LTBR: variants seen among roughly 807,000 people sequenced by gnomAD.
The protein encoded by LTBR is lymphotoxin beta receptor, also known as tumor necrosis factor receptor superfamily member 3.
A neutral mutation model predicts 45.4 loss-of-function variants in LTBR; 15 were observed. The ratio of observed to expected loss-of-function variants is 0.33; its 90% CI spans 0.22 to 0.51. The LOEUF (loss-of-function observed/expected upper bound fraction) is 0.51, where lower values mean the gene tolerates loss of function less well. Ranked by LOEUF, LTBR falls within the 20% of genes least tolerant of loss-of-function variation. The probability of loss-of-function intolerance (pLI) is 0.97; values close to 1 mark genes in which losing one functional copy is unlikely to be tolerated. For synonymous variants in LTBR, 228 were observed against 231.0 expected (o/e 0.99, Z 0.12); for missense variants, 450 against 565.5 (o/e 0.80, Z 2.07).
At position 6,391,070 on chromosome 12, in the gene LTBR, A is replaced by T. The variant is rs1241698039; in HGVS notation, c.*133A>T. 3.1e-6 allele frequency: 3 copies of T among 960,344 alleles called. No homozygotes were observed. Among genetic ancestry groups the T allele is most frequent in the Non-Finnish European group, 4.4e-6 (3 of 683,220 alleles). 59.5% of individuals were successfully genotyped at this position (960,344 alleles called of 1,614,324 possible). A position where few individuals can be genotyped will look rare whatever the true frequency, so the allele number is the denominator to read the frequency against. ...AGAGCCCTAAGGGATTAAGGCTCAG[A>T]CACCTCTGAGAGCAGGTGGGCACTG... On this transcript the variant is annotated 3_prime_UTR_variant, in exon 10 of 10. Coordinates refer to ENST00000228918, the MANE Select transcript of LTBR (RefSeq NM_002342.3).
chr12:6,390,594 A>AGTTCTT, intron 9 of LTBR, 66 bp from the exon 10 acceptor site: 3 of 1,464,498 alleles, frequency 2.0e-6, no homozygotes, highest in Non-Finnish European at 2.7e-6. Context: ...GAAGGCAAGA[A>AGTTCTT]TTCAAGAAGC....
upstream of LTBR, among the ~76,000 whole-genome samples, chr12:6,383,874 C>A (rs1949007602): frequency 6.6e-6 from 1 of 152,222 alleles, no homozygotes. Context: ...CCCTTGCGCT[C>A]TCTGGAACTC....
intron 1 of LTBR, among the ~76,000 whole-genome samples, chr12:6,377,967 G>A (rs1948936817): frequency 6.6e-6 from 1 of 152,218 alleles, no homozygotes; most frequent in African/African-American, 2.4e-5. Context: ...CAGGCTTGGT[G>A]TTGTGAGGAA....
upstream of LTBR, among the ~76,000 whole-genome samples, chr12:6,383,657 G>T (rs371067647): frequency 1.3e-5 from 2 of 152,140 alleles, no homozygotes; most frequent in Non-Finnish European, 2.9e-5. Flanking sequence ...TTGGTAGCGT[G>T]GGGGGCTGGC....
At chr12:6,390,420 A>G (rs2136936135) in intron 9 of LTBR, 80 bp downstream of exon 9, 1 of 1,286,744 alleles carries the variant, frequency 7.8e-7, no homozygotes, top group Non-Finnish European at 1.1e-6. Context: ...GCCAGATGAA[A>G]TAAAAAGACC....
At chr12:6,381,580 A>G (rs1351889880), upstream of LTBR, among the ~76,000 whole-genome samples, 1 of 152,212 alleles carries the variant, frequency 6.6e-6, no homozygotes, top group African/African-American at 2.4e-5. Flanking sequence ...AGAAACATAC[A>G]GTCCAGCCAG....
chr12:6,381,579 C>A (rs182813353), upstream of LTBR, among the ~76,000 whole-genome samples: 1 of 152,230 alleles, frequency 6.6e-6, no homozygotes, highest in South Asian at 2.1e-4. Flanking sequence ...AAGAAACATA[C>A]AGTCCAGCCA....
chr12:6,384,932 C>A, intron 2 of LTBR, 90 bp from the exon 3 acceptor site: 1 of 1,542,420 alleles, frequency 6.5e-7, no homozygotes, highest in Non-Finnish European at 8.9e-7. Flanking sequence ...GCCAGAGAGA[C>A]CGAGGGAAAG....
At chr12:6,385,992 G>C in intron 4 of LTBR, 74 bp from the exon 5 acceptor site, 2 of 1,023,276 alleles carry the variant, frequency 2.0e-6, no homozygotes, top group Non-Finnish European at 3.1e-6. Flanking sequence ...GAGGCTTAAA[G>C]GAAACTCACA....
At chr12:6,375,518 C>G (rs893905102) in exon 1 of LTBR, 1 of 1,535,380 alleles carries the variant, frequency 6.5e-7, no homozygotes, top group Non-Finnish European at 8.7e-7. Context: ...ACAGGTGCAG[C>G]GGCCTGGCTG....
Position 6,388,900 on chromosome 12 carries a change from G to T in LTBR, c.801+75G>T. 2 of 1,551,498 alleles carry T rather than the reference G, an allele frequency of 1.3e-6. No homozygotes were observed. The highest frequency in any genetic ancestry group is 2.2e-5 in the South Asian group (2 of 89,338). On this transcript the variant is annotated intron_variant, in intron 8 of 9. Coordinates refer to ENST00000228918, the MANE Select transcript of LTBR (RefSeq NM_002342.3). The surrounding 1 kb of genome is among the most constrained non-coding windows in gnomAD (Gnocchi z 4.3). ...GTACAAGGTGGAGCAGACAGGAAGA[G>T]AGTATGCAGGCTGACTCCACACTCA...
At chr12:6,377,271 C>T (rs778939157) in intron 1 of LTBR, 1 of 1,550,746 alleles carries the variant, frequency 6.4e-7, no homozygotes, top group Admixed American at 2.0e-5. Context: ...GCTCATGATA[C>T]CTCCCCTTGG....
chr12:6,383,781 G>A (rs1196855982), upstream of LTBR, among the ~76,000 whole-genome samples: 4 of 152,182 alleles, frequency 2.6e-5, no homozygotes, highest in African/African-American at 7.2e-5. Context: ...AGCTGCTTCT[G>A]CGGCCTTGCA....
chr12:6,385,642 C>T (rs955004046), intron 4 of LTBR: 42 of 507,938 alleles, frequency 8.3e-5, no homozygotes, highest in Non-Finnish European at 1.4e-4. Flanking sequence ...TGTGGTGGCC[C>T]ACGCCTGTAA....
At chr12:6,375,194 C>A, upstream of LTBR, 1 of 1,448,058 alleles carries the variant, frequency 6.9e-7, no homozygotes, top group Non-Finnish European at 9.0e-7. Flanking sequence ...CAGCTCCTGC[C>A]TCTCACTCCC....
intron 1 of LTBR, among the ~76,000 whole-genome samples, chr12:6,379,125 G>A (rs1293310473): frequency 6.6e-6 from 1 of 152,122 alleles, no homozygotes; most frequent in East Asian, 1.9e-4. Flanking sequence ...TTATCCTGAT[G>A]TATGTGTGTT....
At position 6,386,320 on chromosome 12, in the gene LTBR, AG is replaced by A; in HGVS notation, c.570-25del. The A allele has an allele frequency of 1.3e-6, 2 of 1,596,702 alleles. No individual in the cohort carries two copies. Among genetic ancestry groups the A allele is most frequent in the Non-Finnish European group, 1.7e-6 (2 of 1,164,826 alleles). On this transcript the variant is annotated intron_variant, in intron 5 of 9. Transcript: ENST00000228918. This position sits in a 1 kb window ranked among gnomAD's most constrained non-coding sequence, Gnocchi z 4.1. The stretch of plus-strand genomic sequence containing the variant: ...GACACTGGTGGGCCAGGGCGTGAAA[AG>A]GTCATCATCTTTTTTTCCTCTGCAG...
rs1949056799 is a variant in LTBR, at chr12:6,386,941, T to C, written c.667+497T>C. The C allele has an allele frequency of 6.5e-6, 1 of 153,578 alleles. No individual in the cohort carries two copies. The highest frequency in any genetic ancestry group is 2.4e-5 in the African/African-American group (1 of 41,476). The allele number at this position is 153,578 out of a possible 1,614,324, so 9.5% of individuals were successfully genotyped here. ...ACTAATTGGCAGAAGGTTCACTGTG[T>C]GTGTTGGGCACTCTGTAACCACTTT... On this transcript the variant is annotated intron_variant, in intron 6 of 9. Transcript: ENST00000228918. This position sits in a 1 kb window ranked among gnomAD's most constrained non-coding sequence, Gnocchi z 4.1.
chr12:6,386,310 G>T lies in LTBR; in HGVS notation c.570-37G>T. 1.3e-6 allele frequency: 2 copies of T among 1,580,436 alleles called. No individual in the cohort carries two copies. Among genetic ancestry groups the T allele is most frequent in the Non-Finnish European group, 1.7e-6 (2 of 1,150,584 alleles). ...GTGGAGTCGGGACACTGGTGGGCCA[G>T]GGCGTGAAAAGGTCATCATCTTTTT... On this transcript the variant is annotated intron_variant, in intron 5 of 9. Transcript: ENST00000228918. This position sits in a 1 kb window ranked among gnomAD's most constrained non-coding sequence, Gnocchi z 4.1.
Sources: gnomAD v4.1 joint callset for allele counts (sites outside exome capture counted in the v4.1 genomes callset) on GRCh38, gnomAD v4.1.1 for gene constraint, Gnocchi (gnomAD v3.1) non-coding constraint, MANE v1.5 for transcripts, NCBI Gene and HGNC (gene_info 2026-07-23, HGNC 2026-07-21) for gene names.